Variants in DIAPH1 observed in about 807,000 individuals in gnomAD.
DIAPH1 encodes protein diaphanous homolog 1.
Under a neutral mutation model 140.7 loss-of-function variants are expected in DIAPH1, and 46 were observed. The ratio of observed to expected loss-of-function variants is 0.33; its 90% confidence interval spans 0.26 to 0.42. DIAPH1 has a LOEUF of 0.42. Ranked by LOEUF, DIAPH1 falls within the 10% of genes least tolerant of loss-of-function variation. DIAPH1 has a pLI of 1.00. For synonymous variants in DIAPH1, 565 were observed against 551.6 expected (o/e 1.02, Z -0.34); for missense variants, 1,310 against 1,558.7 (o/e 0.84, Z 2.69).
chr5:141,560,929 G>C (rs1444227103), intron 18 of DIAPH1: 1 of 455,830 alleles, frequency 2.2e-6, no homozygotes, highest in African/African-American at 2.0e-5. Context: ...GAAAGGGTGG[G>C]GAAAGATGAG....
chr5:141,590,729 GAAGCTT>G (rs1291758809), intron 1 of DIAPH1, among the ~76,000 whole-genome samples: 6 of 147,730 alleles, frequency 4.1e-5, no homozygotes, highest in Non-Finnish European at 9.0e-5. Flanking sequence ...GTTCACAGCT[GAAGCTT>G]AAGTTTAAAA....
chr5:141,534,281 A>C lies in DIAPH1; in HGVS notation c.2581+54T>G, dbSNP rs1250738334. 4.3e-6 allele frequency: 6 copies of C among 1,409,902 alleles called. No homozygotes were observed. The African/African-American group carries it at 8.5e-5, about 20-fold the overall frequency. 87.3% of individuals were successfully genotyped at this position (1,409,902 alleles called of 1,614,324 possible). A position where few individuals can be genotyped will look rare whatever the true frequency, so the allele number is the denominator to read the frequency against. On this transcript the variant is annotated intron_variant, in intron 19 of 27. Coordinates refer to ENST00000389054, the MANE Select transcript of DIAPH1 (RefSeq NM_005219.5). ...GACCATAGATTCAAGAGAATTAAAA[A>C]TTCTTAAAAGAATTCCTTCACATTT...
rs200927557 is a variant in DIAPH1 at position 141,578,237 on chromosome 5, C to A, written c.1151G>T (p.Arg384Leu). The change falls in exon 11 of 28, where the codon CGC (arginine) becomes CTC (leucine). Residue 384 changes from arginine to leucine, a missense_variant. Arg to Leu is a moderately radical substitution (Grantham distance 102). Transcript: ENST00000389054. ...AGCAAAAGGATATTCCATCTCCATG[C>A]GAATGTCATCCAGCCGTCCCTTCAG... ...YDLKGRLDDI[R>L]MEMDDFNEVF... 13 of 1,613,106 alleles carry A rather than the reference C, an allele frequency of 8.1e-6. No individual in the cohort carries two copies. Among genetic ancestry groups the A allele is most frequent in the Non-Finnish European group, 4.2e-6 (5 of 1,179,166 alleles).
rs1346587880 is a variant in DIAPH1, at chr5:141,524,587, A to G, written c.3575-358T>C. 2.8e-5 allele frequency: 10 copies of G among 361,922 alleles called. 1 individual carries two copies. Among genetic ancestry groups the G allele is most frequent in the African/African-American group, 1.5e-4 (7 of 47,340 alleles). 22.4% of individuals were successfully genotyped at this position (361,922 alleles called of 1,614,324 possible). A position where few individuals can be genotyped will look rare whatever the true frequency, so the allele number is the denominator to read the frequency against. ...ACGATTGTGAAATTACTAAGCAACT[A>G]TATCACTCCCTTTTATCCTAAAGTG... On this transcript the variant is annotated intron_variant, in intron 26 of 27. Transcript: ENST00000389054.
chr5:141,612,491 G>C (rs573041859), intron 1 of DIAPH1, among the ~76,000 whole-genome samples: 31 of 152,314 alleles, frequency 2.0e-4, no homozygotes, highest in African/African-American at 7.5e-4. Context: ...TTAAGCTATT[G>C]ATATATGAAA....
chr5:141,552,066 G>A (rs1011832493), intron 18 of DIAPH1, among the ~76,000 whole-genome samples: 9 of 152,184 alleles, frequency 5.9e-5, no homozygotes, highest in African/African-American at 2.2e-4. Context: ...CCCACAATCT[G>A]GGAATATTGA....
chr5:141,587,208 GA>G lies in DIAPH1; in HGVS notation c.145-12del. On this transcript the variant is annotated splice_polypyrimidine_tract_variant and intron_variant, in intron 2 of 27. Coordinates refer to ENST00000389054, the MANE Select transcript of DIAPH1 (RefSeq NM_005219.5). ...GGTAAATCTCTCCAGCTGAGAAACA[GA>G]AAAAAGCATTAGCAGTGATCCATTT... 1 of 1,613,426 alleles carries G rather than the reference GA, an allele frequency of 6.2e-7. No individual in the cohort carries two copies. The highest frequency in any genetic ancestry group is 1.3e-5 in the African/African-American group (1 of 74,988).
rs73794930 is a variant in DIAPH1, at chr5:141,519,633, A to G, written c.3662-2625T>C. On this transcript the variant is annotated intron_variant, in intron 27 of 27. Transcript: ENST00000389054. Reference sequence around the variant, plus strand: ...AAGCTTCTGATGTATTACAAACTTCATAAGAACCAGGAGCAGAGAGTAGGT... The same window carrying G: ...AAGCTTCTGATGTATTACAAACTTCGTAAGAACCAGGAGCAGAGAGTAGGT... Among the ~76,000 whole-genome samples the G allele has an allele frequency of 9.0e-3, 1,366 of 152,324 alleles. 20 individuals are homozygous for G. Among genetic ancestry groups the G allele is most frequent in the African/African-American group, 0.03 (1,263 of 41,558 alleles).
In DIAPH1 at chr5:141,516,030, C is replaced by T. The variant is rs2154594784; in HGVS notation, c.*821G>A. ...GTGAGGTGTTGGGATGGTCACAGTA[C>T]AACCCATAGTCCAGATGAGATGCAC... On this transcript the variant is annotated 3_prime_UTR_variant, in exon 28 of 28. Coordinates refer to ENST00000389054, the MANE Select transcript of DIAPH1 (RefSeq NM_005219.5). The T allele has an allele frequency of 6.5e-6, 1 of 152,736 alleles. No individual in the cohort carries two copies. Among genetic ancestry groups the T allele is most frequent in the Non-Finnish European group, 1.5e-5 (1 of 68,344 alleles). The allele number at this position is 152,736 out of a possible 1,614,324, so 9.5% of individuals were successfully genotyped here.
chr5:141,609,417 G>C (rs1262907654), intron 1 of DIAPH1, among the ~76,000 whole-genome samples: 1 of 150,070 alleles, frequency 6.7e-6, no homozygotes, highest in Non-Finnish European at 1.5e-5. Flanking sequence ...GTACAATGTA[G>C]TGAGTAAGTC....
chr5:141,583,954 G>C (rs2099897167), intron 4 of DIAPH1, among the ~76,000 whole-genome samples, 170 bp downstream of exon 4: 1 of 152,056 alleles, frequency 6.6e-6, no homozygotes, highest in African/African-American at 2.4e-5. Flanking sequence ...CAGGCAAAAT[G>C]TATGTAAGAA....
intron 2 of DIAPH1, chr5:141,587,433 C>T: frequency 1.8e-6 from 1 of 558,000 alleles, no homozygotes; most frequent in Admixed American, 3.1e-5. Flanking sequence ...ATTAAGATTT[C>T]AAACCTCTTT....
chr5:141,519,776 C>T (rs2099886231), intron 27 of DIAPH1, among the ~76,000 whole-genome samples: 1 of 152,176 alleles, frequency 6.6e-6, no homozygotes, highest in Non-Finnish European at 1.5e-5. Context: ...TCCCAGCTTT[C>T]CACTCACTCA....
chr5:141,618,495 G>A, intron 1 of DIAPH1: 1 of 299,064 alleles, frequency 3.3e-6, no homozygotes. Context: ...AGGAAGTGAG[G>A]CTGAGAGGGG....
In DIAPH1 at chr5:141,562,616, A is replaced by AC. The variant is rs1307191717; in HGVS notation, c.2482+8811_2482+8812insG. 1.3e-3 allele frequency among the ~76,000 whole-genome samples: 188 copies of AC among 140,980 alleles called. 2 individuals are homozygous for AC. The highest frequency in any genetic ancestry group is 7.0e-3 in the Middle Eastern group (2 of 284). 92.5% of individuals were successfully genotyped at this position (140,980 alleles called of 152,430 possible). A position where few individuals can be genotyped will look rare whatever the true frequency, so the allele number is the denominator to read the frequency against. On this transcript the variant is annotated intron_variant, in intron 18 of 27. Transcript: ENST00000389054. ...AACCACTTACCTATGCAAAAAAAAAAAAACAAACAAAAAAAAACAGATAAC... is the reference window on the plus strand; with the variant it reads ...AACCACTTACCTATGCAAAAAAAAAACAAACAAACAAAAAAAAACAGATAAC...
chr5:141,580,652 C>T lies in DIAPH1; in HGVS notation c.824+92G>A, dbSNP rs980771153. ...CACAATCTTACCTAGTATTTATGAC[C>T]GAGAGGACACCCAACCAACTCAATT... On this transcript the variant is annotated intron_variant, in intron 8 of 27. Coordinates refer to ENST00000389054, the MANE Select transcript of DIAPH1 (RefSeq NM_005219.5). The T allele has an allele frequency of 1.2e-4, 154 of 1,313,938 alleles. No individual in the cohort carries two copies. In the South Asian group the frequency reaches 1.5e-3, roughly 13 times the overall value. The allele number at this position is 1,313,938 out of a possible 1,614,324, so 81.4% of individuals were successfully genotyped here.
rs543349611 is a variant in DIAPH1 at position 141,531,299 on chromosome 5, TTC to T, written c.2582-1604_2582-1603del. ...ATCACTAAATTCCATTAATTTTACCTTCTCTCTCTCTCTCTCTTTTTTTTTTT... is the reference window on the plus strand; with the variant it reads ...ATCACTAAATTCCATTAATTTTACCTTCTCTCTCTCTCTCTTTTTTTTTTT... On this transcript the variant is annotated intron_variant, in intron 19 of 27. Coordinates refer to ENST00000389054, the MANE Select transcript of DIAPH1 (RefSeq NM_005219.5). 4.4e-3 allele frequency among the ~76,000 whole-genome samples: 659 copies of T among 151,268 alleles called. 1 individual carries two copies. Among genetic ancestry groups the T allele is most frequent in the South Asian group, 0.012 (57 of 4,786 alleles).
At chr5:141,602,025 C>T (rs1349280749) in intron 1 of DIAPH1, among the ~76,000 whole-genome samples, 1 of 152,120 alleles carries the variant, frequency 6.6e-6, no homozygotes, top group African/African-American at 2.4e-5. Context: ...TCCTAATCTA[C>T]CTACCCAGAA....
At chr5:141,560,038 A>G (rs1348873297) in intron 18 of DIAPH1, among the ~76,000 whole-genome samples, 1 of 152,222 alleles carries the variant, frequency 6.6e-6, no homozygotes, top group Non-Finnish European at 1.5e-5. Context: ...ACACATCTCT[A>G]AAAGATGATG....
Sources: allele counts gnomAD v4.1 joint callset (sites outside exome capture counted in the v4.1 genomes callset), GRCh38; gene constraint gnomAD v4.1.1; transcripts MANE v1.5; gene names NCBI Gene and HGNC (gene_info 2026-07-23, HGNC 2026-07-21).